The following PKN2 variants were observed in gnomAD, a reference collection of about 807,000 sequenced individuals.
The protein encoded by PKN2 is protein kinase N2, also known as serine/threonine-protein kinase N2.
Under a neutral mutation model 119.1 loss-of-function variants are expected in PKN2, and 38 were observed. The ratio of observed to expected loss-of-function variants is 0.32; its 90% CI spans 0.25 to 0.42. The LOEUF (loss-of-function observed/expected upper bound fraction) is 0.42, where lower values mean the gene tolerates loss of function less well. Ranked by LOEUF, PKN2 falls within the 10% of genes least tolerant of loss-of-function variation. PKN2 has a pLI of 1.00. For missense variants in PKN2, 850 were observed against 1,165.1 expected, an observed-to-expected ratio of 0.73 and a Z score of 3.94; for synonymous variants, 390 against 384.9, an observed-to-expected ratio of 1.01 and a Z score of -0.15.
intron 1 of PKN2, among the ~76,000 whole-genome samples, chr1:88,701,180 A>G: frequency 6.6e-6 from 1 of 152,216 alleles, no homozygotes; most frequent in Non-Finnish European, 1.5e-5. Context: ...GCAGTGGCTC[A>G]TGCCTGTAAT....
chr1:88,770,533 C>A, intron 4 of PKN2, 64 bp downstream of exon 4: 3 of 871,372 alleles, frequency 3.4e-6, no homozygotes, highest in Non-Finnish European at 3.9e-6. Context: ...TATGCAGGAA[C>A]AGGGCAGTGG....
intron 1 of PKN2, among the ~76,000 whole-genome samples, chr1:88,723,815 C>T (rs185755295): frequency 1.6e-4 from 25 of 152,242 alleles, no homozygotes; most frequent in Middle Eastern, 3.4e-3. Context: ...ATCTAAAAGG[C>T]ATGTATTTGT....
At chr1:88,698,693 C>T (rs1157743074) in intron 1 of PKN2, among the ~76,000 whole-genome samples, 4 of 152,084 alleles carry the variant, frequency 2.6e-5, no homozygotes, top group Admixed American at 2.6e-4. Flanking sequence ...TTCAATTAGT[C>T]CTACTCCCCA....
At chr1:88,815,498 ATCTT>A (rs1045992376) in intron 16 of PKN2, 1 of 290,872 alleles carries the variant, frequency 3.4e-6, no homozygotes. Flanking sequence ...TTTATTGTCT[ATCTT>A]ATTTCACTTA....
chr1:88,747,691 C>T (rs1192670723), intron 2 of PKN2, among the ~76,000 whole-genome samples: 1 of 151,822 alleles, frequency 6.6e-6, no homozygotes. Context: ...TTTTCTTGTA[C>T]CATTCTTATA....
chr1:88,693,298 G>C (rs529059698), intron 1 of PKN2, among the ~76,000 whole-genome samples: 52 of 152,240 alleles, frequency 3.4e-4, no homozygotes, highest in African/African-American at 1.2e-3. Flanking sequence ...TGGATATAAA[G>C]CAAAATATTA....
chr1:88,812,090 A>C (rs911162075), intron 15 of PKN2, among the ~76,000 whole-genome samples: 1 of 152,202 alleles, frequency 6.6e-6, no homozygotes, highest in Non-Finnish European at 1.5e-5. Context: ...TTTAGGGACA[A>C]TACACAGTTT....
At chr1:88,763,361 A>C (rs1409686296) in intron 3 of PKN2, among the ~76,000 whole-genome samples, 1 of 152,132 alleles carries the variant, frequency 6.6e-6, no homozygotes, top group African/African-American at 2.4e-5. Context: ...TAATCCCAGC[A>C]CTTTGGAAGG....
intron 8 of PKN2, among the ~76,000 whole-genome samples, chr1:88,788,392 G>A (rs1290307195): frequency 6.6e-6 from 1 of 152,044 alleles, no homozygotes; most frequent in African/African-American, 2.4e-5. Context: ...ACAAACTAAG[G>A]AAATTATGGC....
At chr1:88,695,354 T>C (rs1411710132) in intron 1 of PKN2, among the ~76,000 whole-genome samples, 1 of 152,176 alleles carries the variant, frequency 6.6e-6, no homozygotes, top group African/African-American at 2.4e-5. Context: ...TGCTAGGTTA[T>C]GTATTGAACT....
chr1:88,799,567 G>GTCCT (rs1427247028), intron 8 of PKN2, among the ~76,000 whole-genome samples: 1 of 152,158 alleles, frequency 6.6e-6, no homozygotes, highest in Non-Finnish European at 1.5e-5. Flanking sequence ...CCAAGAGCTA[G>GTCCT]GAGGAAAGGA....
At chr1:88,816,610 G>A (rs1473508355) in intron 16 of PKN2, among the ~76,000 whole-genome samples, 1 of 152,152 alleles carries the variant, frequency 6.6e-6, no homozygotes, top group Non-Finnish European at 1.5e-5. Context: ...AAAACTTCTG[G>A]TAAGTTGTTT....
chr1:88,749,756 G>A lies in PKN2; in HGVS notation c.349+8468G>A, dbSNP rs373481865. ...TAAAATAGTAACTTAGAGACTTATA[G>A]GAAGAAGTATGTTAAGAATATAGAT... On this transcript the variant is annotated intron_variant, in intron 2 of 21. Coordinates refer to ENST00000370521, the MANE Select transcript of PKN2 (RefSeq NM_006256.4). Among the ~76,000 whole-genome samples, 10 of 152,106 alleles carry A rather than the reference G, an allele frequency of 6.6e-5. No individual in the cohort carries two copies. In the East Asian group the frequency reaches 1.2e-3, roughly 18 times the overall value.
intron 1 of PKN2, among the ~76,000 whole-genome samples, chr1:88,723,906 C>G (rs151328071): frequency 3.9e-5 from 6 of 152,184 alleles, no homozygotes; most frequent in African/African-American, 1.4e-4. Flanking sequence ...TATTTTTTCT[C>G]TTTTGGTTCT....
intron 1 of PKN2, among the ~76,000 whole-genome samples, chr1:88,722,526 T>A (rs1196961232): frequency 6.6e-6 from 1 of 152,012 alleles, no homozygotes; most frequent in East Asian, 1.9e-4. Flanking sequence ...CTTAAAAATA[T>A]CACTTTGAGA....
chr1:88,742,223 A>T (rs1418500944), intron 2 of PKN2, among the ~76,000 whole-genome samples: 2 of 152,214 alleles, frequency 1.3e-5, no homozygotes, highest in Non-Finnish European at 2.9e-5. Flanking sequence ...AATTTAGAAG[A>T]ACGTGTGTGA....
At position 88,684,477 on chromosome 1, in the gene PKN2, T is replaced by C. The variant is rs951456800; in HGVS notation, c.-104T>C. On this transcript the variant is annotated 5_prime_UTR_variant, in exon 1 of 22. Transcript: ENST00000370521. ...CATGAATCCCTAGTTGTTTTTTTTTTTTTCTTTCTCTCCCCTCTCCTCACC... is the reference window on the plus strand; with the variant it reads ...CATGAATCCCTAGTTGTTTTTTTTTCTTTCTTTCTCTCCCCTCTCCTCACC... 3.1e-6 allele frequency: 3 copies of C among 965,654 alleles called. No homozygotes were observed. The highest frequency in any genetic ancestry group is 4.5e-6 in the Non-Finnish European group (3 of 671,180). The allele number at this position is 965,654 out of a possible 1,614,324, so 59.8% of individuals were successfully genotyped here. A position where few individuals can be genotyped will look rare whatever the true frequency, so the allele number is the denominator to read the frequency against.
intron 1 of PKN2, among the ~76,000 whole-genome samples, chr1:88,734,197 T>C (rs1328222017): frequency 2.0e-5 from 3 of 152,138 alleles, no homozygotes; most frequent in Non-Finnish European, 4.4e-5. Context: ...TTTTAGAGTT[T>C]TGGATTTAGA....
intron 1 of PKN2, among the ~76,000 whole-genome samples, chr1:88,718,713 A>T (rs922729330): frequency 3.3e-5 from 5 of 152,206 alleles, no homozygotes; most frequent in Non-Finnish European, 7.4e-5. Flanking sequence ...GGACTATCCT[A>T]TATTTAATAA....
Sources: allele counts gnomAD v4.1 joint callset (sites outside exome capture counted in the v4.1 genomes callset), GRCh38; gene constraint gnomAD v4.1.1; transcripts MANE v1.5; gene names NCBI Gene and HGNC (gene_info 2026-07-23, HGNC 2026-07-21).